Variants in A1CF observed in about 807,000 individuals in gnomAD.
A1CF encodes the protein APOBEC1 complementation factor.
A1CF carries 48 observed loss-of-function variants against 68.9 expected under a neutral mutation model. The ratio of observed to expected loss-of-function variants is 0.70; its 90% confidence interval spans 0.55 to 0.89. The LOEUF (loss-of-function observed/expected upper bound fraction) is 0.89, where lower values mean the gene tolerates loss of function less well. Ranked by LOEUF, A1CF falls within the 40% of genes least tolerant of loss-of-function variation. The pLI, the probability that A1CF is intolerant of heterozygous loss-of-function variation, is 0.00. For synonymous variants in A1CF, 272 were observed against 260.4 expected, an observed-to-expected ratio of 1.04 and a Z score of -0.43; for missense variants, 653 against 718.9, an observed-to-expected ratio of 0.91 and a Z score of 1.05.
chr10:50,860,514 T>C (rs1256731984), intron 2 of A1CF, among the ~76,000 whole-genome samples: 5 of 152,296 alleles, frequency 3.3e-5, no homozygotes, highest in Admixed American at 1.3e-4. Context: ...AAGTACTCTA[T>C]GTAATAAAAA....
At chr10:50,870,131 T>A (rs1160735067) in intron 1 of A1CF, among the ~76,000 whole-genome samples, 1 of 151,964 alleles carries the variant, frequency 6.6e-6, no homozygotes, top group Admixed American at 6.6e-5. Flanking sequence ...TCTATCACTT[T>A]AAACATTTGT....
intron 1 of A1CF, among the ~76,000 whole-genome samples, chr10:50,879,262 T>C (rs376044739): frequency 4.8e-4 from 73 of 152,306 alleles, no homozygotes; most frequent in African/African-American, 1.5e-3. Flanking sequence ...AGCAGCCCAA[T>C]TATTTTTTCC....
At chr10:50,876,947 C>T (rs1841542932) in intron 1 of A1CF, among the ~76,000 whole-genome samples, 1 of 152,116 alleles carries the variant, frequency 6.6e-6, no homozygotes. Context: ...ATACACGTAA[C>T]TCTGTTTTTG....
Position 50,800,816 on chromosome 10 carries a change from T to C in A1CF, c.*5913A>G, listed in dbSNP as rs1215411235. 1.3e-5 allele frequency: 2 copies of C among 152,136 alleles called. No homozygotes were observed. The highest frequency in any genetic ancestry group is 2.9e-5 in the Non-Finnish European group (2 of 68,028). 9.4% of individuals were successfully genotyped at this position (152,136 alleles called of 1,614,324 possible). ...TATGACGTGATGTGAGGATTTTTCG[T>C]GAAGAATGGTTGATGAACAATCATA... On this transcript the variant is annotated 3_prime_UTR_variant, in exon 13 of 13. Transcript: ENST00000373997.
At chr10:50,839,408 G>A (rs142699302) in intron 5 of A1CF, among the ~76,000 whole-genome samples, 158 of 152,330 alleles carry the variant, frequency 1.0e-3, no homozygotes, top group African/African-American at 3.2e-3. Flanking sequence ...GTAATGTAGC[G>A]TTTTGTAGCC....
chr10:50,846,310 CA>C (rs1190309252), intron 3 of A1CF, among the ~76,000 whole-genome samples: 2 of 152,084 alleles, frequency 1.3e-5, no homozygotes, highest in African/African-American at 4.8e-5. Flanking sequence ...AATGTATATG[CA>C]AAAATTCTAA....
chr10:50,840,022 G>A (rs960464817), intron 5 of A1CF, among the ~76,000 whole-genome samples: 8 of 152,284 alleles, frequency 5.3e-5, no homozygotes, highest in Admixed American at 3.9e-4. Flanking sequence ...GATTACAGGC[G>A]TGAGTCACTG....
chr10:50,822,874 C>T (rs1838742464), intron 7 of A1CF: 2 of 152,150 alleles, frequency 1.3e-5, no homozygotes, highest in African/African-American at 4.8e-5. Flanking sequence ...ATGTCATTCT[C>T]CACCTAGGCT....
At chr10:50,852,665 G>C (rs888543417) in intron 3 of A1CF, among the ~76,000 whole-genome samples, 1 of 152,212 alleles carries the variant, frequency 6.6e-6, no homozygotes, top group Admixed American at 6.5e-5. Flanking sequence ...TAGGACCCAG[G>C]AGCTATATTT....
At chr10:50,885,407 T>C (rs1841959930) in intron 1 of A1CF, among the ~76,000 whole-genome samples, 174 bp downstream of exon 1, 1 of 152,184 alleles carries the variant, frequency 6.6e-6, no homozygotes, top group South Asian at 2.1e-4. Flanking sequence ...ATAATTCCAA[T>C]ATATTCTTTT....
At chr10:50,842,481 C>T (rs140262136) in intron 4 of A1CF, among the ~76,000 whole-genome samples, 6 of 152,228 alleles carry the variant, frequency 3.9e-5, no homozygotes, top group Non-Finnish European at 8.8e-5. Context: ...CGTGGTGGCA[C>T]GTGCTTGTAG....
chr10:50,868,601 A>G (rs1190591919), intron 1 of A1CF, among the ~76,000 whole-genome samples: 2 of 152,224 alleles, frequency 1.3e-5, no homozygotes, highest in Non-Finnish European at 2.9e-5. Context: ...TTAGCAAAAA[A>G]TCATATATTA....
In A1CF at chr10:50,803,123, C is replaced by G. The variant is rs748851183; in HGVS notation, c.*3606G>C. 7 of 152,252 alleles carry G rather than the reference C, an allele frequency of 4.6e-5. No homozygotes were observed. The highest frequency in any genetic ancestry group is 1.4e-4 in the African/African-American group (6 of 41,456). 9.4% of individuals were successfully genotyped at this position (152,252 alleles called of 1,614,324 possible). A position where few individuals can be genotyped will look rare whatever the true frequency, so the allele number is the denominator to read the frequency against. On this transcript the variant is annotated 3_prime_UTR_variant, in exon 13 of 13. Coordinates refer to ENST00000373997, the MANE Select transcript of A1CF (RefSeq NM_014576.4). ...GCTTTTTTGGAGACAGGGTCTTGCTCTGTCACCCAGGCTGGAGTGCAGCGA... is the reference window on the plus strand; with the variant it reads ...GCTTTTTTGGAGACAGGGTCTTGCTGTGTCACCCAGGCTGGAGTGCAGCGA...
intron 9 of A1CF, among the ~76,000 whole-genome samples, chr10:50,814,571 T>C (rs1017030014): frequency 3.3e-5 from 5 of 152,254 alleles, no homozygotes; most frequent in African/African-American, 1.2e-4. Flanking sequence ...AGGTTCACCA[T>C]GCTCTCTGAT....
intron 12 of A1CF, among the ~76,000 whole-genome samples, chr10:50,807,768 A>G (rs1052840793): frequency 6.6e-6 from 1 of 152,232 alleles, no homozygotes; most frequent in Non-Finnish European, 1.5e-5. Context: ...CAAGAAAAAG[A>G]GAGAAGTATA....
At chr10:50,860,683 G>A (rs574285836) in intron 2 of A1CF, among the ~76,000 whole-genome samples, 27 of 152,262 alleles carry the variant, frequency 1.8e-4, no homozygotes, top group East Asian at 3.9e-4. Context: ...ATATGTTCAC[G>A]TTTGTGTGTA....
intron 6 of A1CF, 76 bp from the exon 7 acceptor site, chr10:50,828,371 T>A (rs1839072953): frequency 1.6e-6 from 2 of 1,246,720 alleles, no homozygotes; most frequent in African/African-American, 1.5e-5. Flanking sequence ...ACCAATGGTC[T>A]TTTAAATTGA....
intron 3 of A1CF, among the ~76,000 whole-genome samples, chr10:50,851,991 C>G (rs1297571899): frequency 6.6e-6 from 1 of 152,186 alleles, no homozygotes; most frequent in Non-Finnish European, 1.5e-5. Flanking sequence ...GATGAAGAGT[C>G]ACTTAATTTT....
chr10:50,809,219 T>C (rs752489841), intron 12 of A1CF, among the ~76,000 whole-genome samples: 3 of 152,200 alleles, frequency 2.0e-5, no homozygotes, highest in Non-Finnish European at 4.4e-5. Flanking sequence ...AATCAGCATA[T>C]GCCCCAGACC....
Sources: gnomAD v4.1 joint callset for allele counts (sites outside exome capture counted in the v4.1 genomes callset) on GRCh38, gnomAD v4.1.1 for gene constraint, MANE v1.5 for transcripts, NCBI Gene and HGNC (gene_info 2026-07-23, HGNC 2026-07-21) for gene names.